The following DEPDC5 variants were observed in gnomAD, a reference collection of about 807,000 sequenced individuals.
DEPDC5 encodes the protein GATOR1 complex protein DEPDC5.
Under a neutral mutation model 217.3 loss-of-function variants are expected in DEPDC5, and 73 were observed. The observed-to-expected ratio is 0.34, with a 90% CI of 0.28 to 0.41. The LOEUF is 0.41. DEPDC5 is among the 10% of genes least tolerant of loss of function. The probability of loss-of-function intolerance (pLI) is 1.00; values close to 1 mark genes in which losing one functional copy is unlikely to be tolerated. For synonymous variants in DEPDC5, 733 were observed against 756.7 expected (o/e 0.97, Z 0.51); for missense variants, 1,675 against 2,070.1 (o/e 0.81, Z 3.70).
intron 31 of DEPDC5, among the ~76,000 whole-genome samples, chr22:31,855,188 C>A (rs1446662195): frequency 6.6e-6 from 1 of 151,982 alleles, no homozygotes; most frequent in Non-Finnish European, 1.5e-5. Context: ...TGGTCTCAAT[C>A]TTCTGACCTC....
At chr22:31,767,510 G>A (rs1290760939) in intron 6 of DEPDC5, among the ~76,000 whole-genome samples, 4 of 152,186 alleles carry the variant, frequency 2.6e-5, no homozygotes, top group South Asian at 4.1e-4. Flanking sequence ...GGTCAGGTTG[G>A]TCTCGAACTC....
chr22:31,817,476 T>C, intron 21 of DEPDC5: 1 of 475,354 alleles, frequency 2.1e-6, no homozygotes, highest in Non-Finnish European at 4.2e-6. Context: ...CTGAGCAGTT[T>C]CATGGGTGGT....
chr22:31,775,511 AG>A (rs2083749219), intron 7 of DEPDC5, among the ~76,000 whole-genome samples: 1 of 152,096 alleles, frequency 6.6e-6, no homozygotes, highest in Non-Finnish European at 1.5e-5. Context: ...CTGATTGCTT[AG>A]GTGAGGCAGG....
chr22:31,886,729 C>G (rs2093321761), intron 38 of DEPDC5, among the ~76,000 whole-genome samples: 1 of 139,190 alleles, frequency 7.2e-6, no homozygotes, highest in Admixed American at 7.5e-5. Context: ...CACTGCACTC[C>G]CGCCTGAAAA....
chr22:31,890,953 G>A (rs2093426859), intron 38 of DEPDC5: 1 of 169,916 alleles, frequency 5.9e-6, no homozygotes, highest in South Asian at 1.3e-4. Flanking sequence ...CCTGACCTCA[G>A]GTGATCCGCC....
upstream of DEPDC5, chr22:31,753,990 T>G (rs2075099489): frequency 6.6e-6 from 1 of 151,564 alleles, no homozygotes; most frequent in African/African-American, 2.4e-5. Flanking sequence ...GCGGCGCGGG[T>G]TCTCAGGTGA....
intron 18 of DEPDC5, 48 bp from the exon 19 acceptor site, chr22:31,809,563 C>A: frequency 6.2e-7 from 1 of 1,607,746 alleles, no homozygotes; most frequent in Non-Finnish European, 8.5e-7. Context: ...GTGATAAGTT[C>A]TTTTCTAGCG....
intron 24 of DEPDC5, among the ~76,000 whole-genome samples, chr22:31,826,245 G>T (rs987855743): frequency 2.0e-5 from 3 of 152,068 alleles, no homozygotes; most frequent in African/African-American, 7.2e-5. Context: ...GGCCTCCTGT[G>T]ATCTGCCCAT....
intron 12 of DEPDC5, among the ~76,000 whole-genome samples, chr22:31,794,046 C>CA (rs1375371542): frequency 6.6e-6 from 1 of 152,156 alleles, no homozygotes; most frequent in East Asian, 1.9e-4. Context: ...AATTTGGACA[C>CA]AGAGTTTCAG....
chr22:31,806,734 A>G (rs927958014), intron 18 of DEPDC5, among the ~76,000 whole-genome samples: 1 of 152,236 alleles, frequency 6.6e-6, no homozygotes, highest in Non-Finnish European at 1.5e-5. Flanking sequence ...GGCTGTGTGC[A>G]GTGGCTCTTG....
intron 18 of DEPDC5, among the ~76,000 whole-genome samples, chr22:31,809,241 G>A (rs1308754324): frequency 6.6e-6 from 1 of 152,152 alleles, no homozygotes; most frequent in Non-Finnish European, 1.5e-5. Flanking sequence ...TGAAGGGGGA[G>A]GCATGCAGCA....
intron 9 of DEPDC5, chr22:31,784,321 G>T: frequency 4.6e-6 from 1 of 216,104 alleles, no homozygotes; most frequent in South Asian, 7.9e-5. Context: ...TGGCTTTTAT[G>T]ATCTTGTTTT....
chr22:31,812,006 C>T (rs1393334567), intron 20 of DEPDC5, among the ~76,000 whole-genome samples: 7 of 146,276 alleles, frequency 4.8e-5, no homozygotes, highest in Non-Finnish European at 4.5e-5. Context: ...CTTTTTTTTT[C>T]GAGATGGCGT....
intron 34 of DEPDC5, among the ~76,000 whole-genome samples, chr22:31,872,879 C>T (rs2092886479): frequency 6.6e-6 from 1 of 152,038 alleles, no homozygotes; most frequent in Admixed American, 6.6e-5. Flanking sequence ...CTCAGCCTCC[C>T]AAGTAGCTGA....
intron 12 of DEPDC5, among the ~76,000 whole-genome samples, chr22:31,796,973 G>T (rs1423915993): frequency 6.7e-6 from 1 of 149,652 alleles, no homozygotes; most frequent in Non-Finnish European, 1.5e-5. Context: ...GGAATTACAA[G>T]TATGAGCTAC....
chr22:31,866,355 T>A (rs2092689043), intron 33 of DEPDC5, among the ~76,000 whole-genome samples: 1 of 152,152 alleles, frequency 6.6e-6, no homozygotes, highest in African/African-American at 2.4e-5. Flanking sequence ...TCCCAGTCTC[T>A]TCTAATCTGT....
chr22:31,779,903 G>C (rs927387964), intron 8 of DEPDC5, among the ~76,000 whole-genome samples: 3 of 152,080 alleles, frequency 2.0e-5, no homozygotes. Context: ...AGACAAGAGA[G>C]GTGTACCTTC....
At chr22:31,789,983 C>T (rs113067125) in intron 10 of DEPDC5, among the ~76,000 whole-genome samples, 1 of 152,174 alleles carries the variant, frequency 6.6e-6, no homozygotes, top group South Asian at 2.1e-4. Context: ...AATAATAGAC[C>T]CTCTCACCAC....
chr22:31,856,242 C>CA (rs2092295689), intron 31 of DEPDC5, among the ~76,000 whole-genome samples: 2 of 151,906 alleles, frequency 1.3e-5, no homozygotes, highest in Admixed American at 1.3e-4. Flanking sequence ...GACACACACA[C>CA]ACACACACAC....
Sources: allele counts gnomAD v4.1 joint callset (sites outside exome capture counted in the v4.1 genomes callset), GRCh38; gene constraint gnomAD v4.1.1; transcripts MANE v1.5; gene names NCBI Gene and HGNC (gene_info 2026-07-23, HGNC 2026-07-21).